FSAF1: variants seen among roughly 807,000 people sequenced by gnomAD.
FSAF1 encodes 40S small subunit processome assembly factor 1, also known as uncharacterized protein C1orf131.
At chr1:231,239,055 C>T in the FSAF1 span, 3 of 1,614,190 alleles carry the variant, frequency 1.9e-6, no homozygotes, top group African/African-American at 2.7e-5. Flanking sequence ...AAGCGCTCTT[C>T]CTCTGGCCTC....
chr1:231,229,888 G>A, the FSAF1 span, among the ~76,000 whole-genome samples: 8 of 152,160 alleles, frequency 5.3e-5, no homozygotes, highest in Admixed American at 3.9e-4. Context: ...GCATCGGTTC[G>A]GCAAGCTGAG....
At chr1:231,236,436 AGG>A in the FSAF1 span, among the ~76,000 whole-genome samples, 4 of 152,222 alleles carry the variant, frequency 2.6e-5, no homozygotes, top group East Asian at 7.7e-4. Context: ...CATTAAGGTC[AGG>A]AAGTTCAAAA....
the FSAF1 span, among the ~76,000 whole-genome samples, chr1:231,232,949 A>C: frequency 6.6e-6 from 1 of 152,206 alleles, no homozygotes. Context: ...AATATTAAGA[A>C]GTTTGTTCAC....
chr1:231,233,449 A>C, the FSAF1 span, among the ~76,000 whole-genome samples: 1 of 152,252 alleles, frequency 6.6e-6, no homozygotes, highest in African/African-American at 2.4e-5. Flanking sequence ...AATATACTGA[A>C]TATTACAGAC....
the FSAF1 span, chr1:231,225,127 C>G: frequency 6.9e-6 from 2 of 288,236 alleles, no homozygotes; most frequent in African/African-American, 4.3e-5. Context: ...TTACGGTGCT[C>G]TATCTTACGT....
At chr1:231,228,345 T>C in the FSAF1 span, among the ~76,000 whole-genome samples, 4 of 152,152 alleles carry the variant, frequency 2.6e-5, no homozygotes, top group Non-Finnish European at 1.5e-5. Flanking sequence ...ACGCATGTAA[T>C]CCCAACACTT....
the FSAF1 span, among the ~76,000 whole-genome samples, chr1:231,229,538 T>C: frequency 6.6e-6 from 1 of 152,210 alleles, no homozygotes; most frequent in Non-Finnish European, 1.5e-5. Flanking sequence ...TGAAGAGATA[T>C]TTGTACACCT....
At chr1:231,226,426 T>C in the FSAF1 span, 1 of 408,150 alleles carries the variant, frequency 2.5e-6, no homozygotes, top group Non-Finnish European at 4.5e-6. Context: ...ATGCTTTCCA[T>C]GCAGTCTGCA....
the FSAF1 span, chr1:231,225,410 C>T: frequency 6.6e-7 from 1 of 1,514,160 alleles, no homozygotes; most frequent in South Asian, 1.1e-5. Flanking sequence ...GCGTCCTTGT[C>T]AGAACTCATC....
chr1:231,240,581 T>C, the FSAF1 span, among the ~76,000 whole-genome samples: 194 of 150,766 alleles, frequency 1.3e-3, 1 homozygote, highest in African/African-American at 4.5e-3. The surrounding 1 kb of genome is among the most constrained non-coding windows in gnomAD (Gnocchi z 4.1). Context: ...AGGACTATGA[T>C]GTCTCTGGAG....
chr1:231,232,786 G>T, the FSAF1 span, among the ~76,000 whole-genome samples: 1 of 152,196 alleles, frequency 6.6e-6, no homozygotes, highest in Non-Finnish European at 1.5e-5. Flanking sequence ...CAGCAAACCC[G>T]TCTATGGGGT....
chr1:231,225,571 G>A, the FSAF1 span: 2 of 1,536,330 alleles, frequency 1.3e-6, no homozygotes, highest in South Asian at 2.2e-5. Flanking sequence ...TGGATAATGG[G>A]ATTCAAACAA....
At chr1:231,231,355 A>G in the FSAF1 span, among the ~76,000 whole-genome samples, 1 of 152,180 alleles carries the variant, frequency 6.6e-6, no homozygotes, top group Non-Finnish European at 1.5e-5. Context: ...AACCCCTATA[A>G]AAACAAACAA....
At chr1:231,239,261 T>C in the FSAF1 span, 1 of 1,327,562 alleles carries the variant, frequency 7.5e-7, no homozygotes, top group Non-Finnish European at 1.0e-6. Context: ...ATCCTACGAA[T>C]GTATTTGTAC....
At chr1:231,224,384 A>C in the FSAF1 span, 1 of 1,611,466 alleles carries the variant, frequency 6.2e-7, no homozygotes, top group Non-Finnish European at 8.5e-7. Context: ...CATTTGACAA[A>C]ATACTGGGAG....
At chr1:231,227,917 T>C in the FSAF1 span, among the ~76,000 whole-genome samples, 1 of 152,160 alleles carries the variant, frequency 6.6e-6, no homozygotes, top group Non-Finnish European at 1.5e-5. Flanking sequence ...GAACAGCTGA[T>C]ACAAAGAATT....
chr1:231,225,405 C>T, the FSAF1 span: 2 of 1,483,852 alleles, frequency 1.3e-6, no homozygotes, highest in African/African-American at 1.4e-5. Flanking sequence ...TCAAGGCGTC[C>T]TTGTCAGAAC....
chr1:231,229,427 A>G, the FSAF1 span, among the ~76,000 whole-genome samples: 1 of 152,256 alleles, frequency 6.6e-6, no homozygotes, highest in African/African-American at 2.4e-5. Context: ...CACATGGTAT[A>G]GGCATTGGGG....
chr1:231,238,347 A>T, the FSAF1 span: 1 of 152,448 alleles, frequency 6.6e-6, no homozygotes, highest in Non-Finnish European at 1.5e-5. Flanking sequence ...ATTTCTATAC[A>T]TTTGGTTCAC....
Sources: allele counts gnomAD v4.1 joint callset (sites outside exome capture counted in the v4.1 genomes callset), GRCh38; gene constraint gnomAD v4.1.1; non-coding constraint Gnocchi (gnomAD v3.1); transcripts MANE v1.5; gene names NCBI Gene and HGNC (gene_info 2026-07-23, HGNC 2026-07-21).